The following PHACTR1 variants were observed in gnomAD, a reference collection of about 807,000 sequenced individuals.
The protein encoded by PHACTR1 is RPEL repeat containing 1.
In PHACTR1, 16 loss-of-function variants were observed where a neutral mutation model predicts 69.2. That is an observed-to-expected ratio of 0.23 (90% confidence interval 0.16 to 0.35). PHACTR1 has a LOEUF of 0.35. Ranked by LOEUF, PHACTR1 falls within the 10% of genes least tolerant of loss-of-function variation. The probability of loss-of-function intolerance (pLI) is 1.00; values close to 1 mark genes in which losing one functional copy is unlikely to be tolerated. For synonymous variants in PHACTR1, 312 were observed against 284.5 expected (o/e 1.10, Z -0.97); for missense variants, 510 against 734.7 (o/e 0.69, Z 3.54).
At chr6:12,886,253 G>C (rs1326193843) in intron 4 of PHACTR1, among the ~76,000 whole-genome samples, 3 of 29,742 alleles carry the variant, frequency 1.0e-4, no homozygotes, top group Non-Finnish European at 2.1e-4. Flanking sequence ...GTTGTTGTTT[G>C]ATTGTTAAAA....
At chr6:13,053,923 C>A (rs1421368837) in intron 5 of PHACTR1, among the ~76,000 whole-genome samples, 1 of 152,102 alleles carries the variant, frequency 6.6e-6, no homozygotes, top group East Asian at 1.9e-4. Context: ...TGGTTACTGG[C>A]AGATAAGAAT....
chr6:13,127,437 G>A (rs1005563083), intron 5 of PHACTR1, among the ~76,000 whole-genome samples: 6 of 152,114 alleles, frequency 3.9e-5, no homozygotes, highest in African/African-American at 1.4e-4. Flanking sequence ...GGGTATGGTG[G>A]CACATGCCTG....
intron 4 of PHACTR1, among the ~76,000 whole-genome samples, chr6:12,835,409 G>C (rs1426029129): frequency 2.0e-5 from 3 of 152,068 alleles, no homozygotes; most frequent in African/African-American, 7.2e-5. Flanking sequence ...AGTACGACAG[G>C]CCTGAAGGAT....
intron 4 of PHACTR1, among the ~76,000 whole-genome samples, chr6:12,938,153 A>G (rs886933368): frequency 3.3e-5 from 5 of 152,166 alleles, no homozygotes; most frequent in Admixed American, 6.5e-5. Context: ...TAATAATATA[A>G]GTTAACTTTT....
At chr6:12,981,978 T>G (rs1170210061) in intron 4 of PHACTR1, among the ~76,000 whole-genome samples, 1 of 152,194 alleles carries the variant, frequency 6.6e-6, no homozygotes, top group African/African-American at 2.4e-5. Flanking sequence ...CTGCCACCAG[T>G]TTGATTTCTT....
chr6:12,939,227 T>C (rs1286988996), intron 4 of PHACTR1, among the ~76,000 whole-genome samples: 1 of 152,198 alleles, frequency 6.6e-6, no homozygotes, highest in Admixed American at 6.5e-5. Flanking sequence ...GCCTTTAATT[T>C]AGATGTCACT....
At chr6:12,872,890 T>C (rs1033684156) in intron 4 of PHACTR1, among the ~76,000 whole-genome samples, 4 of 152,188 alleles carry the variant, frequency 2.6e-5, no homozygotes, top group African/African-American at 9.7e-5. Flanking sequence ...TTTTAGTTCC[T>C]TCCTTACATC....
intron 4 of PHACTR1, among the ~76,000 whole-genome samples, chr6:12,935,627 A>T (rs1033774143): frequency 1.5e-5 from 2 of 136,012 alleles, no homozygotes; most frequent in African/African-American, 2.5e-5. Context: ...TGGTATGCCC[A>T]CGTGTGTGTG....
chr6:13,205,400 C>G (rs1188446160), intron 7 of PHACTR1, among the ~76,000 whole-genome samples: 1 of 152,220 alleles, frequency 6.6e-6, no homozygotes. Flanking sequence ...AATTATATTT[C>G]ACCATGAGTT....
intron 4 of PHACTR1, among the ~76,000 whole-genome samples, chr6:12,822,438 G>A (rs549611766): frequency 6.6e-6 from 1 of 152,332 alleles, no homozygotes; most frequent in Admixed American, 6.5e-5. Context: ...GAGGGCTGGG[G>A]CCCAGCCAGG....
At chr6:12,756,209 CT>C (rs561244581) in intron 4 of PHACTR1, among the ~76,000 whole-genome samples, 7 of 152,166 alleles carry the variant, frequency 4.6e-5, no homozygotes, top group African/African-American at 1.4e-4. Flanking sequence ...ATTTGTAGAG[CT>C]TTTTTTCTCC....
intron 4 of PHACTR1, among the ~76,000 whole-genome samples, chr6:12,800,492 T>A (rs572221595): frequency 5.6e-4 from 85 of 152,294 alleles, no homozygotes; most frequent in Middle Eastern, 3.4e-3. Flanking sequence ...CTCTTAAAGT[T>A]AAAAGAGTGA....
chr6:13,149,818 AT>A (rs942016326), intron 5 of PHACTR1, among the ~76,000 whole-genome samples: 19 of 138,192 alleles, frequency 1.4e-4, no homozygotes, highest in South Asian at 4.9e-4. Context: ...AAGTTACGAG[AT>A]TTTTTTTTGC....
rs552862317 is a variant in PHACTR1 at position 12,979,973 on chromosome 6, G to A, written c.251-73392G>A. Among the ~76,000 whole-genome samples, 191 of 152,302 alleles carry A rather than the reference G, an allele frequency of 1.3e-3. 1 individual carries two copies. Among genetic ancestry groups the A allele is most frequent in the Non-Finnish European group, 2.3e-3 (157 of 68,032 alleles). On this transcript the variant is annotated intron_variant, in intron 4 of 14. Transcript: ENST00000332995. ...TGTTCTTTTTTGTTTGCATAAGGAT[G>A]AAATCACTTTCACAATTAGCATGCT...
chr6:13,151,357 A>G (rs1824275972), intron 5 of PHACTR1, among the ~76,000 whole-genome samples: 1 of 152,242 alleles, frequency 6.6e-6, no homozygotes, highest in Non-Finnish European at 1.5e-5. Flanking sequence ...CAACTTCTTC[A>G]TCTTTACTTC....
At chr6:12,847,550 G>A (rs1258777528) in intron 4 of PHACTR1, among the ~76,000 whole-genome samples, 1 of 151,922 alleles carries the variant, frequency 6.6e-6, no homozygotes, top group East Asian at 1.9e-4. Context: ...TTTAGTATTA[G>A]TATTAATATT....
intron 4 of PHACTR1, among the ~76,000 whole-genome samples, chr6:12,782,676 G>A (rs1219390205): frequency 6.6e-6 from 1 of 152,198 alleles, no homozygotes; most frequent in African/African-American, 2.4e-5. Flanking sequence ...TTTAGGGAAT[G>A]TTAGATAGAG....
chr6:13,254,931 A>G (rs1185922383), intron 10 of PHACTR1, among the ~76,000 whole-genome samples: 4 of 152,220 alleles, frequency 2.6e-5, no homozygotes, highest in Non-Finnish European at 5.9e-5. Flanking sequence ...TGAACTGAGA[A>G]AGACCCACCT....
chr6:13,157,602 T>C (rs1758369767), intron 5 of PHACTR1, among the ~76,000 whole-genome samples: 1 of 152,224 alleles, frequency 6.6e-6, no homozygotes, highest in Non-Finnish European at 1.5e-5. Flanking sequence ...AAGTCCAGGG[T>C]TCTGCTCACC....
Sources: gnomAD v4.1 joint callset for allele counts (sites outside exome capture counted in the v4.1 genomes callset) on GRCh38, gnomAD v4.1.1 for gene constraint, MANE v1.5 for transcripts, NCBI Gene and HGNC (gene_info 2026-07-23, HGNC 2026-07-21) for gene names.